The following MGAT4D variants were observed in gnomAD, a reference collection of about 807,000 sequenced individuals.
The protein encoded by MGAT4D is MGAT4 family member D.
In MGAT4D, 34 loss-of-function variants were observed where a neutral mutation model predicts 15.9. The observed-to-expected ratio is 2.14, with a 90% CI of 1.62 to 2.84. MGAT4D has a LOEUF of 2.84. Ranked by LOEUF, MGAT4D falls within the 30% of genes most tolerant of loss-of-function variation. The pLI is 0.00. For missense variants in MGAT4D, 327 were observed against 140.2 expected (o/e 2.33, Z -6.73); for synonymous variants, 112 against 48.2 (o/e 2.33, Z -5.49).
intron 3 of MGAT4D, among the ~76,000 whole-genome samples, chr4:140,477,547 C>T (rs866245848): frequency 6.6e-6 from 1 of 152,214 alleles, no homozygotes; most frequent in South Asian, 2.1e-4. Context: ...TCATTATAGG[C>T]AGTGGTTAGC....
rs1031482840 is a variant in MGAT4D at position 140,482,484 on chromosome 4, A to G, written c.96T>C (p.Asn32=). 1 of 630,228 alleles carries G rather than the reference A, an allele frequency of 1.6e-6. No individual in the cohort carries two copies. The highest frequency in any genetic ancestry group is 3.1e-5 in the Admixed American group (1 of 32,518). The allele number at this position is 630,228 out of a possible 1,614,324, so 39.0% of individuals were successfully genotyped here. The stretch of plus-strand genomic sequence containing the variant: ...GGTTTCTACAGTTAATTAATTGATT[A>G]TCTGCAATGAAAACATATGTATATA... The part of the protein sequence containing the change: ...CFSIYRITQT[N]NQLINCRNHI... The change falls in exon 2 of 11, where the codon AAT becomes AAC. Residue 32 remains asparagine (N), a splice_region_variant and synonymous_variant. Transcript: ENST00000511113.
Position 140,482,327 on chromosome 4 carries a change from C to A in MGAT4D, c.253G>T (p.Val85Phe). 2 of 618,512 alleles carry A rather than the reference C, an allele frequency of 3.2e-6. No individual in the cohort carries two copies. The highest frequency in any genetic ancestry group is 1.9e-5 in the South Asian group (1 of 53,068). 38.3% of individuals were successfully genotyped at this position (618,512 alleles called of 1,614,324 possible). ...CAAAACAAACAAAATCAACACAAAC[C>A]TAAGTTTCCTGACAAAATTTCTCTC... ...TKREILSGNLVAQKADILNKN... is the reference protein window; with the variant it reads ...TKREILSGNLFAQKADILNKN... The change falls in exon 2 of 11, where the codon GTT becomes TTT. Residue 85 changes from valine to phenylalanine, a missense_variant and splice_region_variant. Coordinates refer to ENST00000511113, the MANE Select transcript of MGAT4D (RefSeq NM_001277353.2).
At position 140,498,183 on chromosome 4, in the gene MGAT4D, C is replaced by CT; in HGVS notation, c.39_40insA (p.Ala14SerfsTer20). 1 of 702,670 alleles carries CT rather than the reference C, an allele frequency of 1.4e-6. No homozygotes were observed. The highest frequency in any genetic ancestry group is 2.0e-5 in the Admixed American group (1 of 50,006). The allele number at this position is 702,670 out of a possible 1,614,324, so 43.5% of individuals were successfully genotyped here. On this transcript the variant is annotated frameshift_variant, in exon 1 of 11. Transcript: ENST00000511113. LOFTEE classifies it high-confidence loss of function. ...CAAGAGAAGCTGAACAACGCGACGG[C>CT]GACCAGGGTGATCAGCAAGTTCACC...
At chr4:140,468,656 A>G (rs1432611567) in intron 5 of MGAT4D, among the ~76,000 whole-genome samples, 1 of 152,148 alleles carries the variant, frequency 6.6e-6, no homozygotes, top group African/African-American at 2.4e-5. Context: ...TTAAGGGTTC[A>G]AGTATAAGGT....
chr4:140,483,146 C>T (rs1474526541), intron 1 of MGAT4D, among the ~76,000 whole-genome samples: 2 of 152,096 alleles, frequency 1.3e-5, no homozygotes, highest in East Asian at 3.9e-4. Context: ...AAATCTCTGC[C>T]TCAGAGCTGT....
intron 6 of MGAT4D, among the ~76,000 whole-genome samples, chr4:140,463,956 G>A (rs1731362012): frequency 6.6e-6 from 1 of 152,184 alleles, no homozygotes; most frequent in Admixed American, 6.5e-5. Context: ...AATGGTGAAG[G>A]CCTGAACTAA....
chr4:140,456,457 A>C, intron 9 of MGAT4D, 132 bp downstream of exon 9: 1 of 423,266 alleles, frequency 2.4e-6, no homozygotes, highest in Non-Finnish European at 4.2e-6. Flanking sequence ...GAAAGATCAA[A>C]ATTTGGGATA....
intron 10 of MGAT4D, among the ~76,000 whole-genome samples, chr4:140,444,846 C>CT (rs1315279244): frequency 3.3e-5 from 5 of 149,818 alleles, no homozygotes; most frequent in Admixed American, 6.6e-5. Context: ...TATAAGTGTT[C>CT]TTTTTTCTCT....
intron 6 of MGAT4D, among the ~76,000 whole-genome samples, chr4:140,464,551 C>G (rs1173756549): frequency 2.0e-5 from 3 of 152,184 alleles, no homozygotes; most frequent in Admixed American, 6.5e-5. Flanking sequence ...TCCCCCTCCT[C>G]ATTATTATAC....
intron 6 of MGAT4D, 124 bp downstream of exon 6, chr4:140,464,772 C>T (rs1731419888): frequency 8.2e-6 from 5 of 608,542 alleles, no homozygotes; most frequent in Non-Finnish European, 1.5e-5. Context: ...TTGGGTCTTG[C>T]AACCCAGTAG....
rs1731213363 is a variant in MGAT4D, at chr4:140,461,945, G to A, written c.746C>T (p.Ala249Val). Residue 249 changes from alanine (A) to valine (V), a missense_variant, in exon 7 of 11, where the codon GCC becomes GTC. By Grantham distance (64) the Ala-to-Val change is moderately conservative. Transcript: ENST00000511113. ...ATTTCTGACCTGTAAATAATACTTG[G>A]CCTTGGGTTGGGCATACAGCAACAA... ...CILLLYAQPK[A>V]KYYLQLEDDI... 1.4e-6 allele frequency: 1 copy of A among 697,690 alleles called. No individual in the cohort carries two copies. The highest frequency in any genetic ancestry group is 2.6e-6 in the Non-Finnish European group (1 of 382,820). The allele number at this position is 697,690 out of a possible 1,614,324, so 43.2% of individuals were successfully genotyped here. A position where few individuals can be genotyped will look rare whatever the true frequency, so the allele number is the denominator to read the frequency against.
chr4:140,493,833 T>C (rs1050385965), intron 1 of MGAT4D, among the ~76,000 whole-genome samples: 3 of 152,120 alleles, frequency 2.0e-5, no homozygotes, highest in African/African-American at 7.2e-5. Flanking sequence ...TGTGCTAAAA[T>C]AGAGGGTGTA....
At chr4:140,490,209 C>A (rs1469506594) in intron 1 of MGAT4D, among the ~76,000 whole-genome samples, 2 of 152,138 alleles carry the variant, frequency 1.3e-5, no homozygotes, top group African/African-American at 4.8e-5. Flanking sequence ...GTTTTAGAGT[C>A]TTCTTTGCTG....
intron 7 of MGAT4D, among the ~76,000 whole-genome samples, chr4:140,460,951 G>C (rs1390452725): frequency 6.6e-6 from 1 of 152,140 alleles, no homozygotes; most frequent in Non-Finnish European, 1.5e-5. Flanking sequence ...GCAAAGAGAA[G>C]CCAAAAAGCA....
At chr4:140,490,943 T>C (rs1733463275) in intron 1 of MGAT4D, among the ~76,000 whole-genome samples, 1 of 152,240 alleles carries the variant, frequency 6.6e-6, no homozygotes, top group Non-Finnish European at 1.5e-5. Flanking sequence ...GTTATGCTAT[T>C]GTACTATTAT....
At chr4:140,485,212 T>C (rs996623565) in intron 1 of MGAT4D, among the ~76,000 whole-genome samples, 64 of 152,342 alleles carry the variant, frequency 4.2e-4, no homozygotes, top group African/African-American at 1.5e-3. Flanking sequence ...CATGGAATAC[T>C]ATGCAGCCAT....
chr4:140,482,747 A>T (rs1241734558), intron 1 of MGAT4D, among the ~76,000 whole-genome samples: 1 of 151,896 alleles, frequency 6.6e-6, no homozygotes, highest in East Asian at 1.9e-4. Context: ...ATTATAAATG[A>T]TTTTTTCCTT....
At chr4:140,490,154 T>C (rs1733408180) in intron 1 of MGAT4D, among the ~76,000 whole-genome samples, 1 of 152,234 alleles carries the variant, frequency 6.6e-6, no homozygotes, top group South Asian at 2.1e-4. Context: ...TTTTCTTGAT[T>C]GCTAGTGGTT....
At position 140,474,850 on chromosome 4, in the gene MGAT4D, T is replaced by G; in HGVS notation, c.488A>C (p.Gln163Pro). The G allele has an allele frequency of 1.4e-6, 1 of 698,340 alleles. No individual in the cohort carries two copies. Among genetic ancestry groups the G allele is most frequent in the Non-Finnish European group, 2.6e-6 (1 of 383,344 alleles). The allele number at this position is 698,340 out of a possible 1,614,324, so 43.3% of individuals were successfully genotyped here. A position where few individuals can be genotyped will look rare whatever the true frequency, so the allele number is the denominator to read the frequency against. Residue 163 changes from glutamine to proline, a missense_variant, in exon 4 of 11, where the codon CAA (glutamine) becomes CCA (proline). Transcript: ENST00000511113. ...TSVVSRMTLS[Q>P]EKDSVVIVLV... is the part of the protein sequence containing the mutation. ...GACAATCACTACAGAATCCTTCTCTTGGGAGAGCGTCATCCTGGAGACAAC... is the reference window on the plus strand; with the variant it reads ...GACAATCACTACAGAATCCTTCTCTGGGGAGAGCGTCATCCTGGAGACAAC...
Sources: allele counts gnomAD v4.1 joint callset (sites outside exome capture counted in the v4.1 genomes callset), GRCh38; gene constraint gnomAD v4.1.1; transcripts MANE v1.5; gene names NCBI Gene and HGNC (gene_info 2026-07-23, HGNC 2026-07-21).